Variants in LIPC observed in about 807,000 individuals in gnomAD.
LIPC encodes the protein lipase C, hepatic type.
Under a neutral mutation model 50.7 loss-of-function variants are expected in LIPC, and 44 were observed. The ratio of observed to expected loss-of-function variants is 0.87; its 90% CI spans 0.68 to 1.11. LIPC has a LOEUF of 1.11. Ranked by LOEUF, LIPC falls within the 50% of genes most tolerant of loss-of-function variation. The probability of loss-of-function intolerance (pLI) is 0.00; values close to 1 mark genes in which losing one functional copy is unlikely to be tolerated. For missense variants in LIPC, 697 were observed against 648.2 expected (o/e 1.08, Z -0.82); for synonymous variants, 271 against 256.4 (o/e 1.06, Z -0.54).
At chr15:58,536,445 G>A (rs1215523049) in intron 1 of LIPC, among the ~76,000 whole-genome samples, 1 of 152,168 alleles carries the variant, frequency 6.6e-6, no homozygotes, top group African/African-American at 2.4e-5. Flanking sequence ...AGACCAAGCA[G>A]AGAGAGACCA....
chr15:58,529,876 C>T (rs1892905602), intron 1 of LIPC, among the ~76,000 whole-genome samples: 1 of 152,242 alleles, frequency 6.6e-6, no homozygotes, highest in African/African-American at 2.4e-5. Context: ...TAAAAGGTCC[C>T]TGGTCCTTGG....
At chr15:58,558,035 G>A (rs1331895994) in intron 6 of LIPC, among the ~76,000 whole-genome samples, 3 of 151,832 alleles carry the variant, frequency 2.0e-5, no homozygotes, top group African/African-American at 7.3e-5. Context: ...CAAGAGTTTA[G>A]GGACCCTTCC....
At chr15:58,538,188 T>A in intron 1 of LIPC, 145 bp from the exon 2 acceptor site, 1 of 831,178 alleles carries the variant, frequency 1.2e-6, no homozygotes, top group African/African-American at 1.7e-5. Flanking sequence ...TCTTTGGGGC[T>A]CCCCACAGTT....
At chr15:58,562,813 C>A (rs149859100) in intron 7 of LIPC, among the ~76,000 whole-genome samples, 2 of 151,092 alleles carry the variant, frequency 1.3e-5, no homozygotes, top group Middle Eastern at 3.4e-3. Flanking sequence ...GGACCCCCCC[C>A]CAACCCCACC....
chr15:58,489,326 G>T (rs969374379), intron 1 of LIPC, among the ~76,000 whole-genome samples: 2 of 148,768 alleles, frequency 1.3e-5, no homozygotes, highest in East Asian at 2.0e-4. Context: ...GACAAAACCA[G>T]TTCACCAAGA....
intron 6 of LIPC, among the ~76,000 whole-genome samples, chr15:58,556,873 G>T (rs113987544): frequency 6.6e-6 from 1 of 152,136 alleles, no homozygotes; most frequent in Non-Finnish European, 1.5e-5. Flanking sequence ...GATAAAGTAG[G>T]CATCTTATAA....
rs367630995 is a variant in LIPC at position 58,532,371 on chromosome 15, G to T, written c.89-5962G>T. On this transcript the variant is annotated intron_variant, in intron 1 of 8. Transcript: ENST00000299022. ...CCACAGAAGCCAGGGACAGAGCTGCGGTTACATTTATTACATAGGATTGTT... is the reference window on the plus strand; with the variant it reads ...CCACAGAAGCCAGGGACAGAGCTGCTGTTACATTTATTACATAGGATTGTT... 5.3e-5 allele frequency among the ~76,000 whole-genome samples: 8 copies of T among 152,258 alleles called. No homozygotes were observed. The East Asian group carries it at 1.5e-3, about 29-fold the overall frequency.
intron 1 of LIPC, among the ~76,000 whole-genome samples, chr15:58,488,146 C>A (rs1343896891): frequency 6.6e-6 from 1 of 152,256 alleles, no homozygotes; most frequent in East Asian, 1.9e-4. Context: ...TAGCAAACAC[C>A]TGTAATCCCA....
In LIPC at chr15:58,436,769, T is replaced by C. The variant is rs1430072583; in HGVS notation, c.88+4649T>C. 29 of 456,156 alleles carry C rather than the reference T, an allele frequency of 6.4e-5. No homozygotes were observed. In the Admixed American group the frequency reaches 6.6e-4, roughly 10 times the overall value. The allele number at this position is 456,156 out of a possible 1,614,324, so 28.3% of individuals were successfully genotyped here. A position where few individuals can be genotyped will look rare whatever the true frequency, so the allele number is the denominator to read the frequency against. On this transcript the variant is annotated intron_variant, in intron 1 of 8. Transcript: ENST00000299022. ...TTCCAAGTGGAGGGAAGAAGGCTTC[T>C]TGGAGGAGGCGGCATTTGAGTAGGG...
chr15:58,521,087 TGCTGTGTTGCTG>T lies in LIPC; in HGVS notation c.89-17243_89-17232del, dbSNP rs1246267332. Among the ~76,000 whole-genome samples, 38 of 152,108 alleles carry T rather than the reference TGCTGTGTTGCTG, an allele frequency of 2.5e-4. 2 individuals carry two copies. Reference sequence around the variant, plus strand: ...CTAGAGGGCGGACAGAGGCAGGAGTTGCTGTGTTGCTGGCCAGTGGCTCCTGACCATAGGAAG... The same window carrying T: ...CTAGAGGGCGGACAGAGGCAGGAGTTGCCAGTGGCTCCTGACCATAGGAAG... On this transcript the variant is annotated intron_variant, in intron 1 of 8. Coordinates refer to ENST00000299022, the MANE Select transcript of LIPC (RefSeq NM_000236.3).
chr15:58,480,021 T>C (rs1178582496), intron 1 of LIPC, among the ~76,000 whole-genome samples: 3 of 152,206 alleles, frequency 2.0e-5, no homozygotes, highest in African/African-American at 4.8e-5. Context: ...ACAGTACATG[T>C]TGCTTGAGCA....
intron 1 of LIPC, among the ~76,000 whole-genome samples, chr15:58,493,640 AATTT>A (rs1172291754): frequency 2.1e-5 from 3 of 146,250 alleles, no homozygotes; most frequent in Non-Finnish European, 4.5e-5. Context: ...ATTTATACAA[AATTT>A]ATTACGTATA....
chr15:58,464,775 C>T (rs1357882615), intron 1 of LIPC, among the ~76,000 whole-genome samples: 2 of 152,196 alleles, frequency 1.3e-5, no homozygotes, highest in Non-Finnish European at 2.9e-5. Context: ...GGGTTCAAAA[C>T]TAGCTTGGGC....
chr15:58,494,971 T>C (rs1195598479), intron 1 of LIPC: 2 of 436,264 alleles, frequency 4.6e-6, no homozygotes, highest in African/African-American at 2.0e-5. Flanking sequence ...CCTCATGTCA[T>C]TGATCCAACA....
intron 1 of LIPC, chr15:58,435,967 T>C (rs1344991137): frequency 6.6e-6 from 1 of 152,238 alleles, no homozygotes; most frequent in Non-Finnish European, 1.5e-5. Context: ...AATGGTTTTA[T>C]GGCCTAAGTT....
intron 1 of LIPC, among the ~76,000 whole-genome samples, chr15:58,453,087 G>A (rs546154839): frequency 1.1e-4 from 16 of 152,176 alleles, no homozygotes; most frequent in East Asian, 1.9e-4. Flanking sequence ...CTTCTTCCCC[G>A]CCTCTGAGGA....
At chr15:58,471,328 T>TGG (rs5812938) in intron 1 of LIPC, among the ~76,000 whole-genome samples, 14,918 of 114,086 alleles carry the variant, frequency 0.13, 1,373 homozygotes, top group Middle Eastern at 0.2. Context: ...TTAGTAGAGA[T>TGG]GGGGGGGGGT....
At chr15:58,492,869 G>T (rs1411270296) in intron 1 of LIPC, among the ~76,000 whole-genome samples, 2 of 152,118 alleles carry the variant, frequency 1.3e-5, no homozygotes, top group Non-Finnish European at 2.9e-5. Flanking sequence ...CTGACAGCTG[G>T]CCAAGAACAG....
chr15:58,561,141 T>G (rs767657729), intron 7 of LIPC, among the ~76,000 whole-genome samples, 160 bp downstream of exon 7: 14 of 152,370 alleles, frequency 9.2e-5, no homozygotes, highest in Non-Finnish European at 1.5e-4. Context: ...ATTTAGTTTA[T>G]TTTGCCAAGG....
Sources: gnomAD v4.1 joint callset for allele counts (sites outside exome capture counted in the v4.1 genomes callset) on GRCh38, gnomAD v4.1.1 for gene constraint, MANE v1.5 for transcripts, NCBI Gene and HGNC (gene_info 2026-07-23, HGNC 2026-07-21) for gene names.